Variants in NAALADL2 observed in about 807,000 individuals in gnomAD.
NAALADL2 encodes the protein inactive N-acetylated-alpha-linked acidic dipeptidase-like protein 2.
In NAALADL2, 76 loss-of-function variants were observed where a neutral mutation model predicts 87.2. The ratio of observed to expected loss-of-function variants is 0.87; its 90% confidence interval spans 0.72 to 1.05. The LOEUF is 1.05. Among genes scored for constraint, NAALADL2 ranks in the 50% least tolerant of loss-of-function variants. The pLI is 0.00. For synonymous variants in NAALADL2, 354 were observed against 331.0 expected, an observed-to-expected ratio of 1.07 and a Z score of -0.75; for missense variants, 1,089 against 945.8, an observed-to-expected ratio of 1.15 and a Z score of -1.99.
intron 9 of NAALADL2, among the ~76,000 whole-genome samples, chr3:175,545,597 A>G (rs1447076638): frequency 6.6e-6 from 1 of 152,126 alleles, no homozygotes; most frequent in Non-Finnish European, 1.5e-5. Context: ...TCTGGCATGC[A>G]AAGCACCTTG....
At position 174,995,049 on chromosome 3, in the gene NAALADL2, A is replaced by G. The variant is rs183609805; in HGVS notation, c.44-101741A>G. On this transcript the variant is annotated intron_variant, in intron 1 of 13. Coordinates refer to ENST00000454872, the MANE Select transcript of NAALADL2 (RefSeq NM_207015.3). Reference sequence around the variant, plus strand: ...GGGTTTAGAAGGCCATGTTTACCCTATGTTATCCCATTTATTTATTCTGGC... The same window carrying G: ...GGGTTTAGAAGGCCATGTTTACCCTGTGTTATCCCATTTATTTATTCTGGC... Among the ~76,000 whole-genome samples, 46 of 152,238 alleles carry G rather than the reference A, an allele frequency of 3.0e-4. No individual in the cohort carries two copies. In the East Asian group the frequency reaches 3.5e-3, roughly 11 times the overall value.
At chr3:175,507,565 G>C (rs1426989010) in intron 9 of NAALADL2, among the ~76,000 whole-genome samples, 4 of 152,056 alleles carry the variant, frequency 2.6e-5, no homozygotes, top group Non-Finnish European at 5.9e-5. Flanking sequence ...TGGGATTACA[G>C]GTGCCCGTAA....
At chr3:174,809,637 A>C (rs940749223) in intron 3 of NAALADL2, among the ~76,000 whole-genome samples, 1 of 133,720 alleles carries the variant, frequency 7.5e-6, no homozygotes, top group Non-Finnish European at 1.6e-5. Flanking sequence ...AAACACACTG[A>C]AAAATGGACT....
chr3:175,539,974 A>T (rs1341612514), intron 9 of NAALADL2, among the ~76,000 whole-genome samples: 5 of 152,234 alleles, frequency 3.3e-5, no homozygotes, highest in African/African-American at 9.6e-5. Context: ...TACACTTCAT[A>T]AAATTACTAG....
intron 1 of NAALADL2, among the ~76,000 whole-genome samples, chr3:174,544,308 A>G (rs755916545): frequency 3.3e-5 from 5 of 152,156 alleles, no homozygotes; most frequent in Admixed American, 6.5e-5. Context: ...TTAGAAGGTT[A>G]TATCACATGT....
At chr3:175,040,827 A>G (rs932065920) in intron 1 of NAALADL2, among the ~76,000 whole-genome samples, 54 of 152,284 alleles carry the variant, frequency 3.5e-4, no homozygotes, top group Non-Finnish European at 6.3e-4. Flanking sequence ...TCCAAGATAT[A>G]CAATATTTAT....
intron 5 of NAALADL2, among the ~76,000 whole-genome samples, chr3:175,433,164 A>G (rs1423508623): frequency 6.6e-6 from 1 of 152,068 alleles, no homozygotes; most frequent in Non-Finnish European, 1.5e-5. Flanking sequence ...TAGAGCTGCC[A>G]GACAGGAACC....
At chr3:175,323,809 C>A (rs749894981) in intron 4 of NAALADL2, among the ~76,000 whole-genome samples, 12 of 151,496 alleles carry the variant, frequency 7.9e-5, no homozygotes, top group East Asian at 3.9e-4. Context: ...CGAGGTCAGG[C>A]GATCGAGACC....
At chr3:174,890,803 A>G (rs140861866) in intron 1 of NAALADL2, among the ~76,000 whole-genome samples, 515 of 152,258 alleles carry the variant, frequency 3.4e-3, no homozygotes, top group Middle Eastern at 0.014. Flanking sequence ...GTGAACAATA[A>G]TTACTAAATA....
chr3:175,294,613 C>T (rs141410084), intron 4 of NAALADL2, among the ~76,000 whole-genome samples: 5 of 152,258 alleles, frequency 3.3e-5, no homozygotes, highest in African/African-American at 1.2e-4. Flanking sequence ...AGCCAAGGTT[C>T]AAGTCTAAGA....
intron 1 of NAALADL2, among the ~76,000 whole-genome samples, chr3:174,466,411 CATGGCTACCT>C (rs1378616763): frequency 1.3e-5 from 2 of 152,020 alleles, no homozygotes; most frequent in Non-Finnish European, 2.9e-5. Context: ...AACTTTGTCC[CATGGCTACCT>C]ATGGCTGCAA....
intron 13 of NAALADL2, among the ~76,000 whole-genome samples, chr3:175,776,886 C>T (rs1750322211): frequency 6.6e-6 from 1 of 152,024 alleles, no homozygotes; most frequent in African/African-American, 2.4e-5. Flanking sequence ...AAAATACCTG[C>T]TGGTTCAACC....
intron 2 of NAALADL2, among the ~76,000 whole-genome samples, chr3:174,569,315 T>G (rs1714650289): frequency 6.6e-6 from 1 of 151,940 alleles, no homozygotes; most frequent in Non-Finnish European, 1.5e-5. Flanking sequence ...AATGTAAGAA[T>G]AGTATAGAAA....
intron 13 of NAALADL2, among the ~76,000 whole-genome samples, chr3:175,757,140 A>T (rs1747376780): frequency 6.6e-6 from 1 of 151,896 alleles, no homozygotes; most frequent in Non-Finnish European, 1.5e-5. Flanking sequence ...TTCTTCCCCC[A>T]ATATCTCTTT....
chr3:174,478,115 T>G (rs1188632466), intron 1 of NAALADL2, among the ~76,000 whole-genome samples: 2 of 152,192 alleles, frequency 1.3e-5, no homozygotes, highest in Non-Finnish European at 2.9e-5. Flanking sequence ...ATACAAAATT[T>G]AAAATTACTT....
chr3:175,276,858 A>G (rs933028220), intron 4 of NAALADL2, among the ~76,000 whole-genome samples: 9 of 152,082 alleles, frequency 5.9e-5, no homozygotes, highest in African/African-American at 2.2e-4. Flanking sequence ...TAATCCCATT[A>G]TTCCCCAACT....
intron 1 of NAALADL2, among the ~76,000 whole-genome samples, chr3:174,993,660 G>A (rs1352490949): frequency 1.3e-5 from 2 of 152,098 alleles, no homozygotes; most frequent in Non-Finnish European, 1.5e-5. Context: ...AAAGATGTAA[G>A]CCATGCTATT....
chr3:175,240,449 T>A (rs182374659), intron 3 of NAALADL2, among the ~76,000 whole-genome samples: 205 of 152,310 alleles, frequency 1.3e-3, no homozygotes, highest in Middle Eastern at 3.4e-3. Flanking sequence ...TTTTGAATAT[T>A]TTCAAACAAA....
chr3:175,449,880 G>A (rs1721288177), intron 6 of NAALADL2, among the ~76,000 whole-genome samples: 1 of 152,050 alleles, frequency 6.6e-6, no homozygotes, highest in South Asian at 2.1e-4. Context: ...TGTTCTCATG[G>A]ATATTGTTAT....
Sources: allele counts gnomAD v4.1 joint callset (sites outside exome capture counted in the v4.1 genomes callset), GRCh38; gene constraint gnomAD v4.1.1; transcripts MANE v1.5; gene names NCBI Gene and HGNC (gene_info 2026-07-23, HGNC 2026-07-21).